Variants in CES5A observed in about 807,000 individuals in gnomAD.
CES5A encodes the protein carboxylesterase 5A.
Under a neutral mutation model 62.9 loss-of-function variants are expected in CES5A, and 67 were observed. The observed-to-expected ratio is 1.07, with a 90% CI of 0.88 to 1.31. The LOEUF (loss-of-function observed/expected upper bound fraction) is 1.31, where lower values mean the gene tolerates loss of function less well. CES5A is among the 50% of genes most tolerant of loss of function. The pLI is 0.00. For missense variants in CES5A, 748 were observed against 708.5 expected, an observed-to-expected ratio of 1.06 and a Z score of -0.63; for synonymous variants, 296 against 280.8, an observed-to-expected ratio of 1.05 and a Z score of -0.54.
intron 10 of CES5A, 131 bp downstream of exon 10, chr16:55,852,750 G>A (rs4783914): frequency 0.84 from 818,184 of 976,964 alleles, 343,165 homozygotes; most frequent in Admixed American, 0.89. Context: ...TTCCATCCAG[G>A]CACACCTGGA....
Position 55,859,584 on chromosome 16 carries a change from C to A in CES5A, c.1019G>T (p.Gly340Val). ...GAAGCCACACTCGTGGTTATTGACT[C>A]CGATGATGGAAGGAATTGCTTTAAA... ...KAFKAIPSII[G>V]VNNHECGFLL... Residue 340 changes from glycine (G) to valine (V), a missense_variant, in exon 8 of 13, where the codon GGA (glycine) becomes GTA (valine). Gly to Val is a moderately radical substitution (Grantham distance 109, BLOSUM62 -3). Coordinates refer to ENST00000290567, the MANE Select transcript of CES5A (RefSeq NM_001143685.2). The A allele has an allele frequency of 6.2e-7, 1 of 1,613,608 alleles. No individual in the cohort carries two copies. The highest frequency in any genetic ancestry group is 8.5e-7 in the Non-Finnish European group (1 of 1,179,868).
chr16:55,886,063 G>A (rs1322754373), intron 1 of CES5A, among the ~76,000 whole-genome samples: 1 of 152,200 alleles, frequency 6.6e-6, no homozygotes, highest in East Asian at 1.9e-4. Context: ...CTAGCTGGTG[G>A]AAGAGGCAAA....
intron 9 of CES5A, among the ~76,000 whole-genome samples, chr16:55,854,532 T>TTTC (rs1491341397): frequency 1.7e-5 from 1 of 59,122 alleles, no homozygotes; most frequent in African/African-American, 6.2e-5. Flanking sequence ...GTAGTGTTTC[T>TTTC]TTTTTTTTTT....
Position 55,852,919 on chromosome 16 carries a change from A to G in CES5A, c.1235T>C (p.Phe412Ser). 2 of 1,614,140 alleles carry G rather than the reference A, an allele frequency of 1.2e-6. No individual in the cohort carries two copies. Among genetic ancestry groups the G allele is most frequent in the Non-Finnish European group, 1.7e-6 (2 of 1,180,012 alleles). ...SLLDLLGDVF[F>S]VVPALITARY... Reference sequence around the variant, plus strand: ...AGCTGTGATCAGTGCAGGGACCACAAAGAACACATCTCCAAGCAAGTCCAG... The same window carrying G: ...AGCTGTGATCAGTGCAGGGACCACAGAGAACACATCTCCAAGCAAGTCCAG... Residue 412 changes from phenylalanine to serine, a missense_variant, in exon 10 of 13, where the codon TTT becomes TCT. Coordinates refer to ENST00000290567, the MANE Select transcript of CES5A (RefSeq NM_001143685.2).
At chr16:55,897,318 T>C (rs1202308758) in intron 1 of CES5A, among the ~76,000 whole-genome samples, 3 of 152,056 alleles carry the variant, frequency 2.0e-5, no homozygotes, top group African/African-American at 7.2e-5. Flanking sequence ...GAGTGATCTA[T>C]TCATTAGTCT....
chr16:55,955,883 C>T (rs2034604954), exon 1 of CES5A: 1 of 1,535,946 alleles, frequency 6.5e-7, no homozygotes, highest in Non-Finnish European at 8.7e-7. Flanking sequence ...CCAGAACAGC[C>T]ATCAGACTTG....
chr16:55,856,287 G>T, intron 9 of CES5A, 90 bp downstream of exon 9: 1 of 1,123,558 alleles, frequency 8.9e-7, no homozygotes. Flanking sequence ...AGGAGTGTCT[G>T]TGCCCTTGGC....
At chr16:55,902,863 G>C (rs2034005336) in intron 1 of CES5A, among the ~76,000 whole-genome samples, 2 of 152,174 alleles carry the variant, frequency 1.3e-5, no homozygotes, top group African/African-American at 4.8e-5. Context: ...GGGTAGTGAA[G>C]CTCAAGACCC....
At chr16:55,914,822 G>A (rs1197791278) in intron 1 of CES5A, among the ~76,000 whole-genome samples, 5 of 152,068 alleles carry the variant, frequency 3.3e-5, no homozygotes, top group South Asian at 2.1e-4. Context: ...GGGTGAAATC[G>A]GAAAAACGTC....
At chr16:55,952,713 A>G (rs1324808200) in intron 1 of CES5A, among the ~76,000 whole-genome samples, 1 of 152,178 alleles carries the variant, frequency 6.6e-6, no homozygotes, top group East Asian at 1.9e-4. Flanking sequence ...AATGTCAACA[A>G]TTGGTTCAAG....
intron 1 of CES5A, among the ~76,000 whole-genome samples, chr16:55,900,646 A>G (rs773034820): frequency 6.6e-5 from 10 of 152,182 alleles, no homozygotes; most frequent in Non-Finnish European, 1.2e-4. Flanking sequence ...CAGGGCTGAG[A>G]AGGCCCCTGG....
At position 55,854,531 on chromosome 16, in the gene CES5A, C is replaced by CTTTTTTTTTTCTTTT. The variant is rs1555479324; in HGVS notation, c.1126-1504_1126-1503insAAAAGAAAAAAAAAA. On this transcript the variant is annotated intron_variant, in intron 9 of 12. Coordinates refer to ENST00000290567, the MANE Select transcript of CES5A (RefSeq NM_001143685.2). ...TGAGGGATATCTGCCTGTAGTGTTTCTTTTTTTTTTTTCTTTTTTTTTTTT... is the reference window on the plus strand; with the variant it reads ...TGAGGGATATCTGCCTGTAGTGTTTCTTTTTTTTTTCTTTTTTTTTTTTTTTTCTTTTTTTTTTTT... Among the ~76,000 whole-genome samples the CTTTTTTTTTTCTTTT allele has an allele frequency of 1.5e-3, 79 of 52,136 alleles. 1 individual carries two copies. Among genetic ancestry groups the CTTTTTTTTTTCTTTT allele is most frequent in the East Asian group, 8.1e-3 (13 of 1,598 alleles). 34.2% of individuals were successfully genotyped at this position (52,136 alleles called of 152,430 possible). A position where few individuals can be genotyped will look rare whatever the true frequency, so the allele number is the denominator to read the frequency against.
intron 1 of CES5A, among the ~76,000 whole-genome samples, chr16:55,885,156 A>G (rs2033801651): frequency 6.6e-6 from 1 of 151,912 alleles, no homozygotes; most frequent in Non-Finnish European, 1.5e-5. Context: ...TTCTCCATGT[A>G]TTTTTCAAAT....
At chr16:55,940,590 C>A (rs1265568413) in intron 2 of CES5A, among the ~76,000 whole-genome samples, 1 of 151,592 alleles carries the variant, frequency 6.6e-6, no homozygotes, top group Non-Finnish European at 1.5e-5. Flanking sequence ...AGAAATTCTA[C>A]AAAATATTTA....
chr16:55,862,475 T>A (rs1467356575), intron 6 of CES5A, among the ~76,000 whole-genome samples: 3 of 152,214 alleles, frequency 2.0e-5, no homozygotes, highest in African/African-American at 7.2e-5. Flanking sequence ...AATCCCAAAG[T>A]TCTAACAGAG....
At chr16:55,950,716 A>C (rs1009850921) in intron 1 of CES5A, among the ~76,000 whole-genome samples, 2 of 152,090 alleles carry the variant, frequency 1.3e-5, no homozygotes, top group African/African-American at 4.8e-5. Flanking sequence ...AGAAAAAAAA[A>C]CCCAAAAAAC....
intron 4 of CES5A, 132 bp downstream of exon 4, chr16:55,869,479 C>T: frequency 1.5e-6 from 2 of 1,347,742 alleles, no homozygotes; most frequent in Non-Finnish European, 1.9e-6. Flanking sequence ...CAAAAATTAC[C>T]TAAGTAATTA....
chr16:55,915,150 C>G (rs367916598), intron 1 of CES5A, among the ~76,000 whole-genome samples: 3 of 152,180 alleles, frequency 2.0e-5, no homozygotes, highest in Non-Finnish European at 2.9e-5. Context: ...ACCCCCACCC[C>G]CAAACACACA....
At chr16:55,918,038 A>G (rs74860363) in intron 1 of CES5A, among the ~76,000 whole-genome samples, 1,720 of 152,298 alleles carry the variant, frequency 0.011, 59 homozygotes, top group East Asian at 0.1. Context: ...GAAAGTAGGA[A>G]GTGAAGCAGC....
Sources: allele counts gnomAD v4.1 joint callset (sites outside exome capture counted in the v4.1 genomes callset), GRCh38; gene constraint gnomAD v4.1.1; transcripts MANE v1.5; gene names NCBI Gene and HGNC (gene_info 2026-07-23, HGNC 2026-07-21).